KNDC1: variants seen among roughly 807,000 people sequenced by gnomAD.
KNDC1 encodes the protein kinase non-catalytic C-lobe domain-containing protein 1.
KNDC1 carries 106 observed loss-of-function variants against 172.8 expected under a neutral mutation model. The ratio of observed to expected loss-of-function variants is 0.61; its 90% CI spans 0.52 to 0.72. The LOEUF (loss-of-function observed/expected upper bound fraction) is 0.72, where lower values mean the gene tolerates loss of function less well. KNDC1 is among the 30% of genes least tolerant of loss of function. The pLI is 0.00. For missense variants in KNDC1, 2,325 were observed against 2,394.5 expected, an observed-to-expected ratio of 0.97 and a Z score of 0.61; for synonymous variants, 1,083 against 1,062.2, an observed-to-expected ratio of 1.02 and a Z score of -0.38.
chr10:133,167,200 G>A (rs1008726585), intron 1 of KNDC1, 181 bp from the exon 2 acceptor site: 5 of 630,510 alleles, frequency 7.9e-6, no homozygotes, highest in Middle Eastern at 4.3e-4. Context: ...TGGCTCTGAC[G>A]TCCAGGGAAC....
At chr10:133,175,620 CAGAT>C (rs1362048976) in intron 3 of KNDC1, among the ~76,000 whole-genome samples, 1 of 131,512 alleles carries the variant, frequency 7.6e-6, no homozygotes, top group Non-Finnish European at 1.6e-5. Context: ...GATGAACAGG[CAGAT>C]GGATTGATGA....
intron 10 of KNDC1, among the ~76,000 whole-genome samples, chr10:133,196,298 G>A (rs1854189388): frequency 6.6e-6 from 1 of 152,262 alleles, no homozygotes. Context: ...TTTGGGGCTG[G>A]GTTCTAACGT....
rs774721563 is a variant in KNDC1 at position 133,189,778 on chromosome 10, C to T, written c.1540C>T (p.Pro514Ser). The T allele has an allele frequency of 1.2e-6, 2 of 1,614,090 alleles. No homozygotes were observed. The highest frequency in any genetic ancestry group is 1.7e-6 in the Non-Finnish European group (2 of 1,180,018). ...TTCCTATGACTCGTTCTTTCTGGCTCCCGAGCTGGCAGAGGAGAGGCTGGT... is the reference window on the plus strand; with the variant it reads ...TTCCTATGACTCGTTCTTTCTGGCTTCCGAGCTGGCAGAGGAGAGGCTGGT... Reference protein sequence around the residue: ...NGSYDSFFLAPELAEERLVTE... With the variant: ...NGSYDSFFLASELAEERLVTE... The change falls in exon 9 of 30, where the codon CCC becomes TCC. Residue 514 changes from proline to serine, a missense_variant. Physicochemically the swap from Pro to Ser is moderately conservative, Grantham distance 74. Coordinates refer to ENST00000304613, the MANE Select transcript of KNDC1 (RefSeq NM_152643.8).
At chr10:133,203,787 AC>A (rs1360545654) in intron 17 of KNDC1, among the ~76,000 whole-genome samples, 1 of 152,084 alleles carries the variant, frequency 6.6e-6, no homozygotes, top group Non-Finnish European at 1.5e-5. Context: ...GATTTTAGTT[AC>A]CGTGGATTTA....
In KNDC1 at chr10:133,189,737, G is replaced by C. The variant is rs184438075; in HGVS notation, c.1514-15G>C. 5.1e-5 allele frequency: 83 copies of C among 1,614,032 alleles called. No individual in the cohort carries two copies. Among genetic ancestry groups the C allele is most frequent in the Middle Eastern group, 1.6e-4 (1 of 6,062 alleles). On this transcript the variant is annotated splice_polypyrimidine_tract_variant and intron_variant, in intron 8 of 29. Transcript: ENST00000304613. ...CGCCAGGGGTGAGGAAAGCTCAGTCGGGTTTCTCTCTTAGGTTCCTATGAC... is the reference window on the plus strand; with the variant it reads ...CGCCAGGGGTGAGGAAAGCTCAGTCCGGTTTCTCTCTTAGGTTCCTATGAC...
chr10:133,207,158 G>A lies in KNDC1; in HGVS notation c.3601G>A (p.Gly1201Ser), dbSNP rs747211856. 3.1e-6 allele frequency: 5 copies of A among 1,600,242 alleles called. 1 individual carries two copies. The South Asian group carries it at 5.6e-5, about 18-fold the overall frequency. Reference protein sequence around the residue: ...YLQVMYAERWGLEPCTLPVIV... With the variant: ...YLQVMYAERWSLEPCTLPVIV... ...GCAGGTCATGTACGCGGAACGCTGG[G>A]GCCTGGAGCCCTGCACCCTCCCAGT... is the stretch of plus-strand genomic sequence containing the variant. The change falls in exon 20 of 30, where the codon GGC becomes AGC. Residue 1201 changes from glycine to serine, a missense_variant. Gly to Ser is a moderately conservative substitution (Grantham distance 56). Transcript: ENST00000304613.
In KNDC1 at chr10:133,224,991, C is replaced by A. The variant is rs1012865943; in HGVS notation, c.*101C>A. The stretch of plus-strand genomic sequence containing the variant: ...CTCAGGCCCGGCCGTTATCAAGGCC[C>A]CTCCGCCCCCGAACCCTGGGGAGCT... On this transcript the variant is annotated 3_prime_UTR_variant, in exon 30 of 30. Coordinates refer to ENST00000304613, the MANE Select transcript of KNDC1 (RefSeq NM_152643.8). The surrounding 1 kb of genome is among the most constrained non-coding windows in gnomAD (Gnocchi z 5.4). The A allele has an allele frequency of 1.1e-6, 1 of 926,754 alleles. No individual in the cohort carries two copies. The highest frequency in any genetic ancestry group is 1.6e-5 in the African/African-American group (1 of 61,120). 57.4% of individuals were successfully genotyped at this position (926,754 alleles called of 1,614,324 possible). A position where few individuals can be genotyped will look rare whatever the true frequency, so the allele number is the denominator to read the frequency against.
intron 1 of KNDC1, among the ~76,000 whole-genome samples, chr10:133,161,790 G>C (rs1042902247): frequency 2.1e-4 from 32 of 152,174 alleles, no homozygotes; most frequent in Non-Finnish European, 3.5e-4. Flanking sequence ...ACATCCCAGG[G>C]TATCTGTTAG....
At chr10:133,177,363 CTG>C (rs573990671) in intron 3 of KNDC1, among the ~76,000 whole-genome samples, 23 of 152,148 alleles carry the variant, frequency 1.5e-4, no homozygotes, top group East Asian at 3.9e-4. Flanking sequence ...CATGCTATGT[CTG>C]TGGGTTGTGC....
chr10:133,185,444 AATAGG>A, intron 5 of KNDC1, among the ~76,000 whole-genome samples: 1 of 139,512 alleles, frequency 7.2e-6, no homozygotes, highest in South Asian at 2.4e-4. Flanking sequence ...TGCAGTGTGG[AATAGG>A]CAGTGTGTGC....
intron 29 of KNDC1, among the ~76,000 whole-genome samples, chr10:133,222,460 T>C (rs113936260): frequency 0.072 from 5,043 of 69,752 alleles, 269 homozygotes; most frequent in South Asian, 0.1. Flanking sequence ...TGTGTGTGTG[T>C]GTGAGAGCCC....
At chr10:133,222,277 C>T (rs1436568875) in intron 29 of KNDC1, among the ~76,000 whole-genome samples, 9 of 124,462 alleles carry the variant, frequency 7.2e-5, no homozygotes, top group East Asian at 6.1e-4. Context: ...AGCGAGACTC[C>T]GTCTCAAAAA....
At chr10:133,218,595 G>T (rs553557692) in intron 26 of KNDC1, among the ~76,000 whole-genome samples, 1 of 152,152 alleles carries the variant, frequency 6.6e-6, no homozygotes, top group Non-Finnish European at 1.5e-5. Context: ...AAGTCTTTCC[G>T]CGTATCAGGC....
intron 3 of KNDC1, 81 bp from the exon 4 acceptor site, chr10:133,183,263 C>T (rs535074588): frequency 1.7e-5 from 24 of 1,437,528 alleles, no homozygotes; most frequent in South Asian, 1.3e-4. Flanking sequence ...AACTTGAGCT[C>T]CTGGCCCGGA....
Position 133,186,278 on chromosome 10 carries a change from G to A in KNDC1, c.930G>A (p.Arg310=). ...SRLRKVQTFP[R]LLSDSPEATL... is the part of the protein sequence containing the mutation. ...TGCGGAAGGTGCAGACGTTCCCTAG[G>A]CTGCTGTCCGACAGCCCCGAGGCCA... The change falls in exon 6 of 30, where the codon AGG becomes AGA. Residue 310 remains arginine (R), a synonymous_variant. Coordinates refer to ENST00000304613, the MANE Select transcript of KNDC1 (RefSeq NM_152643.8). 6.2e-7 allele frequency: 1 copy of A among 1,610,262 alleles called. No individual in the cohort carries two copies.
At chr10:133,197,645 C>CT (rs1422622323) in intron 11 of KNDC1, 30 bp from the exon 12 acceptor site, 14 of 1,569,306 alleles carry the variant, frequency 8.9e-6, no homozygotes, top group South Asian at 1.1e-5. Context: ...TCCGTGGTCA[C>CT]CTGGCCCAGG....
chr10:133,207,934 G>A lies in KNDC1; in HGVS notation c.3794+583G>A, dbSNP rs575393266. 4.5e-4 allele frequency among the ~76,000 whole-genome samples: 68 copies of A among 152,300 alleles called. 1 individual carries two copies. The South Asian group carries it at 0.013, about 29-fold the overall frequency. ...CCCCCTTGGCCCTTCACCCACTCTG[G>A]CCTGCATGGGCCCCTGGGCTGCACC... On this transcript the variant is annotated intron_variant, in intron 20 of 29. Transcript: ENST00000304613.
Position 133,186,445 on chromosome 10 carries a change from A to G in KNDC1, c.1097A>G (p.Glu366Gly). Residue 366 changes from glutamate (E) to glycine (G), a missense_variant, in exon 6 of 30, where the codon GAG (glutamate) becomes GGG (glycine). By Grantham distance (98) the Glu-to-Gly change is moderately conservative. Coordinates refer to ENST00000304613, the MANE Select transcript of KNDC1 (RefSeq NM_152643.8). Reference sequence around the variant, plus strand: ...CAGCCCAAATGCAGGCTGTGGCCGGAGCAGGAGCCGGAACACCAGCTGGGA... The same window carrying G: ...CAGCCCAAATGCAGGCTGTGGCCGGGGCAGGAGCCGGAACACCAGCTGGGA... ...QAQPKCRLWP[E>G]QEPEHQLGRV... The G allele has an allele frequency of 2.5e-6, 4 of 1,612,474 alleles. No individual in the cohort carries two copies. Among genetic ancestry groups the G allele is most frequent in the Non-Finnish European group, 2.5e-6 (3 of 1,179,818 alleles).
rs563150354 is a variant in KNDC1 at position 133,200,527 on chromosome 10, G to A, written c.2989+67G>A. On this transcript the variant is annotated intron_variant, in intron 16 of 29. Transcript: ENST00000304613. Reference sequence around the variant, plus strand: ...GGCTCCTCTGTGCTCTCTGCAATGCGGGGGGCGCCCCAGGGTCCCAGCAGC... The same window carrying A: ...GGCTCCTCTGTGCTCTCTGCAATGCAGGGGGCGCCCCAGGGTCCCAGCAGC... The A allele has an allele frequency of 5.3e-4, 643 of 1,210,568 alleles. 1 individual carries two copies. Among genetic ancestry groups the A allele is most frequent in the African/African-American group, 4.3e-3 (270 of 62,598 alleles). 75.0% of individuals were successfully genotyped at this position (1,210,568 alleles called of 1,614,324 possible).
Sources: allele counts gnomAD v4.1 joint callset (sites outside exome capture counted in the v4.1 genomes callset), GRCh38; gene constraint gnomAD v4.1.1; non-coding constraint Gnocchi (gnomAD v3.1); transcripts MANE v1.5; gene names NCBI Gene and HGNC (gene_info 2026-07-23, HGNC 2026-07-21).